The following NKAIN2 variants were observed in gnomAD, a reference collection of about 807,000 sequenced individuals.
NKAIN2 encodes the protein sodium/potassium transporting ATPase interacting 2.
In NKAIN2, 14 loss-of-function variants were observed where a neutral mutation model predicts 32.6. The ratio of observed to expected loss-of-function variants is 0.43; its 90% CI spans 0.28 to 0.67. The LOEUF (loss-of-function observed/expected upper bound fraction) is 0.67, where lower values mean the gene tolerates loss of function less well. Ranked by LOEUF, NKAIN2 falls within the 30% of genes least tolerant of loss-of-function variation. The probability of loss-of-function intolerance (pLI) is 0.17; values close to 1 mark genes in which losing one functional copy is unlikely to be tolerated. For synonymous variants in NKAIN2, 80 were observed against 87.2 expected, an observed-to-expected ratio of 0.92 and a Z score of 0.46; for missense variants, 198 against 258.3, an observed-to-expected ratio of 0.77 and a Z score of 1.60.
At chr6:124,047,092 A>G (rs1393028710) in intron 1 of NKAIN2, among the ~76,000 whole-genome samples, 1 of 151,914 alleles carries the variant, frequency 6.6e-6, no homozygotes, top group Non-Finnish European at 1.5e-5. Context: ...TACTGCTTCC[A>G]TTTCCTTATG....
At chr6:123,887,287 T>G (rs1193985742) in intron 1 of NKAIN2, among the ~76,000 whole-genome samples, 2 of 152,108 alleles carry the variant, frequency 1.3e-5, no homozygotes, top group Non-Finnish European at 2.9e-5. Flanking sequence ...ATTCACGAGG[T>G]CTACACTCAG....
chr6:124,439,153 C>A (rs78156880), intron 3 of NKAIN2, among the ~76,000 whole-genome samples: 2 of 152,118 alleles, frequency 1.3e-5, no homozygotes, highest in African/African-American at 4.8e-5. Context: ...AAACAACTCC[C>A]GATTTTCGCA....
chr6:123,955,837 A>G (rs2114598044), intron 1 of NKAIN2, among the ~76,000 whole-genome samples: 1 of 152,172 alleles, frequency 6.6e-6, no homozygotes, highest in East Asian at 1.9e-4. Flanking sequence ...TATGTTTTCC[A>G]GACTGGTCTC....
At chr6:124,749,003 C>T (rs1225673766) in intron 4 of NKAIN2, among the ~76,000 whole-genome samples, 1 of 151,944 alleles carries the variant, frequency 6.6e-6, no homozygotes, top group African/African-American at 2.4e-5. Flanking sequence ...GCTGAAATTA[C>T]AGTGTTAGCA....
chr6:124,709,633 A>G (rs9491214), intron 4 of NKAIN2, among the ~76,000 whole-genome samples: 65,219 of 144,182 alleles, frequency 0.45, 15,536 homozygotes, highest in African/African-American at 0.55. Context: ...GCGTAGAGGT[A>G]TTTGTAGTAT....
At chr6:123,974,974 A>G (rs1350890189) in intron 1 of NKAIN2, among the ~76,000 whole-genome samples, 1 of 152,206 alleles carries the variant, frequency 6.6e-6, no homozygotes, top group Non-Finnish European at 1.5e-5. Context: ...ATCCATCATT[A>G]AAGAATTAAT....
At chr6:124,456,811 T>C (rs935806206) in intron 3 of NKAIN2, among the ~76,000 whole-genome samples, 57 of 151,932 alleles carry the variant, frequency 3.8e-4, no homozygotes, top group Non-Finnish European at 1.2e-4. Flanking sequence ...AAACTTGTGG[T>C]ATGTTATACA....
chr6:124,594,785 G>A (rs74760681), intron 3 of NKAIN2, among the ~76,000 whole-genome samples: 1 of 152,084 alleles, frequency 6.6e-6, no homozygotes, highest in African/African-American at 2.4e-5. Context: ...ATGGAGGAGA[G>A]GAGGGAAATA....
chr6:123,940,485 AC>A lies in NKAIN2; in HGVS notation c.54+136232del, dbSNP rs1354874780. Among the ~76,000 whole-genome samples, 13 of 152,128 alleles carry A rather than the reference AC, an allele frequency of 8.5e-5. No homozygotes were observed. The South Asian group carries it at 1.7e-3, about 19-fold the overall frequency. On this transcript the variant is annotated intron_variant, in intron 1 of 6. Coordinates refer to ENST00000368417, the MANE Select transcript of NKAIN2 (RefSeq NM_001040214.3). ...TGTGAACATCATAGAGAGTACTTACACAAACCTAGATGGTACAGCCTACTAC... is the reference window on the plus strand; with the variant it reads ...TGTGAACATCATAGAGAGTACTTACAAAACCTAGATGGTACAGCCTACTAC...
intron 1 of NKAIN2, among the ~76,000 whole-genome samples, chr6:124,258,442 A>G (rs375074206): frequency 7.9e-5 from 12 of 152,330 alleles, no homozygotes; most frequent in African/African-American, 2.9e-4. Context: ...TCTTGTAAAA[A>G]GATTTATTTT....
At chr6:124,018,471 C>T (rs1780696786) in intron 1 of NKAIN2, among the ~76,000 whole-genome samples, 2 of 152,160 alleles carry the variant, frequency 1.3e-5, no homozygotes, top group East Asian at 1.9e-4. Context: ...GTAAACTTTT[C>T]AAACTTGTAT....
At chr6:124,748,769 T>A (rs1004193333) in intron 4 of NKAIN2, among the ~76,000 whole-genome samples, 2 of 151,902 alleles carry the variant, frequency 1.3e-5, no homozygotes, top group Non-Finnish European at 2.9e-5. Flanking sequence ...ACTGAGTTTG[T>A]GTGAAAATAT....
intron 2 of NKAIN2, among the ~76,000 whole-genome samples, chr6:124,311,060 T>C (rs2114999876): frequency 6.6e-6 from 1 of 152,272 alleles, no homozygotes; most frequent in Non-Finnish European, 1.5e-5. Context: ...AAGCCACAAT[T>C]TTCAAAGTTT....
intron 4 of NKAIN2, among the ~76,000 whole-genome samples, chr6:124,698,307 C>G (rs1774600695): frequency 6.6e-6 from 1 of 151,970 alleles, no homozygotes; most frequent in Non-Finnish European, 1.5e-5. Flanking sequence ...TAAAATTGAC[C>G]TTTTTAATTT....
At chr6:123,841,881 A>G (rs1774887179) in intron 1 of NKAIN2, among the ~76,000 whole-genome samples, 1 of 152,200 alleles carries the variant, frequency 6.6e-6, no homozygotes, top group Non-Finnish European at 1.5e-5. Context: ...TTGTCAGTCA[A>G]GCAACTATAG....
chr6:124,060,248 C>T (rs1002718257), intron 1 of NKAIN2, among the ~76,000 whole-genome samples: 1 of 152,152 alleles, frequency 6.6e-6, no homozygotes, highest in Non-Finnish European at 1.5e-5. Context: ...CTATGCCAGT[C>T]ACAGGTGTAT....
rs111417480 is a variant in NKAIN2 at position 124,341,051 on chromosome 6, A to G, written c.193-14216A>G. ...TCATGTTTATATGTTCATTAAAATA[A>G]TGCCTGTTGGATGTTCTAACATTGA... is the stretch of plus-strand genomic sequence containing the variant. On this transcript the variant is annotated intron_variant, in intron 2 of 6. Coordinates refer to ENST00000368417, the MANE Select transcript of NKAIN2 (RefSeq NM_001040214.3). Among the ~76,000 whole-genome samples the G allele has an allele frequency of 5.5e-3, 836 of 152,322 alleles. 11 individuals are homozygous for G. Among genetic ancestry groups the G allele is most frequent in the African/African-American group, 0.019 (804 of 41,578 alleles).
At chr6:124,379,544 A>G (rs573543411) in intron 3 of NKAIN2, among the ~76,000 whole-genome samples, 1 of 152,228 alleles carries the variant, frequency 6.6e-6, no homozygotes, top group Admixed American at 6.5e-5. Flanking sequence ...CAGGTTTTAT[A>G]TGCAGTAAGA....
intron 1 of NKAIN2, among the ~76,000 whole-genome samples, chr6:123,853,667 A>G (rs1210050383): frequency 6.6e-6 from 1 of 152,202 alleles, no homozygotes; most frequent in East Asian, 1.9e-4. Flanking sequence ...GGAATGACAA[A>G]AAGGGGGGAT....
Sources: gnomAD v4.1 joint callset for allele counts (sites outside exome capture counted in the v4.1 genomes callset) on GRCh38, gnomAD v4.1.1 for gene constraint, MANE v1.5 for transcripts, NCBI Gene and HGNC (gene_info 2026-07-23, HGNC 2026-07-21) for gene names.